Variants in CYTH3 observed in about 807,000 individuals in gnomAD.
The protein encoded by CYTH3 is cytohesin-3.
Under a neutral mutation model 55.1 loss-of-function variants are expected in CYTH3, and 23 were observed. The observed-to-expected ratio is 0.42, with a 90% confidence interval of 0.30 to 0.59. The LOEUF (loss-of-function observed/expected upper bound fraction) is 0.59, where lower values mean the gene tolerates loss of function less well. Among genes scored for constraint, CYTH3 ranks in the 20% least tolerant of loss-of-function variants. The probability of loss-of-function intolerance (pLI) is 0.20; values close to 1 mark genes in which losing one functional copy is unlikely to be tolerated. For missense variants in CYTH3, 413 were observed against 524.8 expected, an observed-to-expected ratio of 0.79 and a Z score of 2.08; for synonymous variants, 249 against 194.9, an observed-to-expected ratio of 1.28 and a Z score of -2.31.
intron 1 of CYTH3, among the ~76,000 whole-genome samples, chr7:6,191,534 C>T (rs901140067): frequency 6.8e-6 from 1 of 146,310 alleles, no homozygotes; most frequent in African/African-American, 2.5e-5. Context: ...AAACGCTACA[C>T]AATTTTTAGA....
At chr7:6,229,750 G>A (rs1779341257) in intron 1 of CYTH3, among the ~76,000 whole-genome samples, 1 of 151,582 alleles carries the variant, frequency 6.6e-6, no homozygotes, top group African/African-American at 2.4e-5. Flanking sequence ...CCGGGAGGCG[G>A]AGTTTGCCAT....
At chr7:6,269,949 C>G (rs1178038205) in intron 1 of CYTH3, among the ~76,000 whole-genome samples, 1 of 152,178 alleles carries the variant, frequency 6.6e-6, no homozygotes, top group African/African-American at 2.4e-5. Context: ...ATCTTTTAAA[C>G]AAGCTTTAAC....
chr7:6,229,900 G>A (rs996642433), intron 1 of CYTH3, among the ~76,000 whole-genome samples: 2 of 151,878 alleles, frequency 1.3e-5, no homozygotes, highest in South Asian at 2.1e-4. Flanking sequence ...CTTTGGAAAG[G>A]TAAGGTGAGT....
intron 9 of CYTH3, among the ~76,000 whole-genome samples, chr7:6,166,339 C>A (rs566569870): frequency 6.6e-6 from 1 of 152,378 alleles, no homozygotes; most frequent in East Asian, 1.9e-4. Context: ...GGAAGGAAAT[C>A]TCTGATCCTT....
intron 1 of CYTH3, among the ~76,000 whole-genome samples, chr7:6,240,148 A>C (rs960809345): frequency 2.0e-5 from 3 of 152,096 alleles, no homozygotes; most frequent in African/African-American, 7.2e-5. Flanking sequence ...TCTACTAAAA[A>C]CACAAAAATG....
chr7:6,258,868 C>T (rs1780203298), intron 1 of CYTH3, among the ~76,000 whole-genome samples: 2 of 152,116 alleles, frequency 1.3e-5, no homozygotes, highest in East Asian at 3.8e-4. Flanking sequence ...CTTTGATGAA[C>T]CCTCATATTA....
At chr7:6,267,374 T>A (rs1408510326) in intron 1 of CYTH3, among the ~76,000 whole-genome samples, 1 of 152,162 alleles carries the variant, frequency 6.6e-6, no homozygotes, top group East Asian at 1.9e-4. Context: ...TTTGAGTAAA[T>A]GACTACAAAA....
chr7:6,166,567 C>T (rs1381205258), intron 9 of CYTH3, among the ~76,000 whole-genome samples: 1 of 152,220 alleles, frequency 6.6e-6, no homozygotes, highest in East Asian at 1.9e-4. Context: ...TAAGTGGGGG[C>T]CAGCACGGGC....
intron 5 of CYTH3, among the ~76,000 whole-genome samples, 167 bp downstream of exon 5, chr7:6,177,656 C>T (rs1331177811): frequency 6.6e-6 from 1 of 152,222 alleles, no homozygotes; most frequent in Non-Finnish European, 1.5e-5. Flanking sequence ...GGAGAGGAAC[C>T]GGTTGCACTG....
chr7:6,177,232 A>C (rs568550840), intron 5 of CYTH3, among the ~76,000 whole-genome samples: 70 of 152,336 alleles, frequency 4.6e-4, no homozygotes, highest in African/African-American at 1.6e-3. Context: ...TTTTTAAAAA[A>C]GCTAAAAACC....
chr7:6,196,217 C>G (rs970534732), intron 1 of CYTH3, among the ~76,000 whole-genome samples: 8 of 151,874 alleles, frequency 5.3e-5, no homozygotes, highest in African/African-American at 1.2e-4. Flanking sequence ...CTAAAGAGCA[C>G]GAGTGGAATG....
chr7:6,165,481 T>A, intron 11 of CYTH3, 54 bp from the exon 12 acceptor site: 1 of 1,609,474 alleles, frequency 6.2e-7, no homozygotes, highest in South Asian at 1.1e-5. Flanking sequence ...GCAGGTTCCC[T>A]GCAGGCAGTG....
At chr7:6,241,686 T>G (rs1162718829) in intron 1 of CYTH3, among the ~76,000 whole-genome samples, 2 of 152,108 alleles carry the variant, frequency 1.3e-5, no homozygotes, top group Non-Finnish European at 2.9e-5. Context: ...ACCGATCCAT[T>G]AGCACAATGG....
chr7:6,170,954 G>A lies in CYTH3; in HGVS notation c.587C>T (p.Ala196Val). ...GAGGCTGGTGTTGAGCATGATGATG[G>A]CGAATGACAGCACGTAGCACGTGTC... ...STDTCYVLSF[A>V]IIMLNTSLHN... Residue 196 changes from alanine (A) to valine (V), a missense_variant, in exon 8 of 13, where the codon GCC becomes GTC. By Grantham distance (64) the Ala-to-Val change is moderately conservative. Transcript: ENST00000350796. The surrounding 1 kb of genome is among the most constrained non-coding windows in gnomAD (Gnocchi z 7.8). 1 of 1,613,976 alleles carries A rather than the reference G, an allele frequency of 6.2e-7. No homozygotes were observed. The highest frequency in any genetic ancestry group is 8.5e-7 in the Non-Finnish European group (1 of 1,179,938).
rs1346166898 is a variant in CYTH3 at position 6,225,307 on chromosome 7, G to A, written c.35-34776C>T. On this transcript the variant is annotated intron_variant, in intron 1 of 12. Transcript: ENST00000350796. ...GTTCTGGATACAAAGGTCAAGGTAT[G>A]GGATAAACTGTTAAGATAGAGCCTA... 2.6e-5 allele frequency among the ~76,000 whole-genome samples: 4 copies of A among 152,058 alleles called. No individual in the cohort carries two copies. The East Asian group carries it at 7.7e-4, about 29-fold the overall frequency.
chr7:6,216,337 G>A (rs989506811), intron 1 of CYTH3, among the ~76,000 whole-genome samples: 9 of 151,988 alleles, frequency 5.9e-5, no homozygotes, highest in Middle Eastern at 3.4e-3. Context: ...CCAGTAGATG[G>A]TAATTATATA....
chr7:6,245,735 T>A (rs1298234822), intron 1 of CYTH3, among the ~76,000 whole-genome samples: 1 of 152,116 alleles, frequency 6.6e-6, no homozygotes, highest in Non-Finnish European at 1.5e-5. Context: ...TGAAACCCCG[T>A]CTCTACTAAA....
At chr7:6,180,920 C>T (rs577432314) in intron 4 of CYTH3, among the ~76,000 whole-genome samples, 28 of 152,276 alleles carry the variant, frequency 1.8e-4, no homozygotes, top group African/African-American at 5.3e-4. Flanking sequence ...ATCAAATCTA[C>T]GGTGAGCACT....
At chr7:6,233,631 G>A (rs1320635279) in intron 1 of CYTH3, among the ~76,000 whole-genome samples, 10 of 149,890 alleles carry the variant, frequency 6.7e-5, no homozygotes, top group Non-Finnish European at 1.5e-4. Flanking sequence ...ACTCCAGCCT[G>A]GGTGACAGAG....
Sources: allele counts gnomAD v4.1 joint callset (sites outside exome capture counted in the v4.1 genomes callset), GRCh38; gene constraint gnomAD v4.1.1; non-coding constraint Gnocchi (gnomAD v3.1); transcripts MANE v1.5; gene names NCBI Gene and HGNC (gene_info 2026-07-23, HGNC 2026-07-21).